Variants in PCTP observed in about 807,000 individuals in gnomAD.
PCTP encodes the protein START domain-containing protein 2.
A neutral mutation model predicts 31.0 loss-of-function variants in PCTP; 27 were observed. That is an observed-to-expected ratio of 0.87 (90% CI 0.64 to 1.20). The LOEUF (loss-of-function observed/expected upper bound fraction) is 1.20, where lower values mean the gene tolerates loss of function less well. Ranked by LOEUF, PCTP falls within the 50% of genes most tolerant of loss-of-function variation. PCTP has a pLI of 0.00. For missense variants in PCTP, 287 were observed against 268.2 expected, an observed-to-expected ratio of 1.07 and a Z score of -0.49; for synonymous variants, 108 against 101.2, an observed-to-expected ratio of 1.07 and a Z score of -0.40.
downstream of PCTP, among the ~76,000 whole-genome samples, chr17:55,779,039 G>A (rs1911465898): frequency 6.6e-6 from 1 of 152,092 alleles, no homozygotes; most frequent in African/African-American, 2.4e-5. Context: ...AGCTGGACTT[G>A]CAAGAGATGA....
At chr17:55,781,616 C>A (rs1246401923), downstream of PCTP, among the ~76,000 whole-genome samples, 1 of 151,720 alleles carries the variant, frequency 6.6e-6, no homozygotes, top group Non-Finnish European at 1.5e-5. Context: ...AACAAATAAA[C>A]AAAATAAACT....
intron 3 of PCTP, among the ~76,000 whole-genome samples, chr17:55,809,615 C>T (rs1275916589): frequency 7.2e-5 from 11 of 151,928 alleles, no homozygotes; most frequent in South Asian, 2.1e-4. Context: ...CTCCGCTTCC[C>T]GGGTTCAAGC....
rs550804621 is a variant in PCTP at position 55,818,385 on chromosome 17, A to G, written c.318-4376A>G. 4.6e-5 allele frequency among the ~76,000 whole-genome samples: 7 copies of G among 152,296 alleles called. No homozygotes were observed. In the South Asian group the frequency reaches 1.4e-3, roughly 32 times the overall value. ...CTGGTGCCCTGAGTTCTATCTCAGC[A>G]TTTGTCACTGTGTGAGTATCACTCT... On this transcript the variant is annotated intron_variant, in intron 3 of 3. Coordinates refer to the PCTP transcript ENST00000572536.
intron 3 of PCTP, among the ~76,000 whole-genome samples, chr17:55,772,432 C>CA (rs1911060843): frequency 6.6e-6 from 1 of 151,842 alleles, no homozygotes; most frequent in South Asian, 2.1e-4. Flanking sequence ...ATTAAAAATA[C>CA]AAAAAAATTT....
chr17:55,772,251 A>G (rs189830765), intron 3 of PCTP, among the ~76,000 whole-genome samples: 4 of 151,998 alleles, frequency 2.6e-5, no homozygotes, highest in Admixed American at 2.6e-4. Flanking sequence ...GGAGCAATAG[A>G]CTGTCCAATG....
intron 3 of PCTP, among the ~76,000 whole-genome samples, chr17:55,794,629 A>C (rs1383795920): frequency 6.6e-6 from 1 of 152,068 alleles, no homozygotes; most frequent in African/African-American, 2.4e-5. Context: ...ACAGAATGTG[A>C]AAAACTTGAA....
At chr17:55,778,402 A>C (rs1157687211), downstream of PCTP, among the ~76,000 whole-genome samples, 1 of 152,118 alleles carries the variant, frequency 6.6e-6, no homozygotes, top group Non-Finnish European at 1.5e-5. Context: ...GACAACCAGC[A>C]TTTGTGGATA....
chr17:55,776,518 C>T lies in PCTP; in HGVS notation c.*418C>T. On this transcript the variant is annotated 3_prime_UTR_variant, in exon 6 of 6. Coordinates refer to ENST00000268896, the MANE Select transcript of PCTP (RefSeq NM_021213.4). ...ATTTAAGAATGACTATTTGGGCGGG[C>T]TGGCTCTTTTGCAGCTTGTGATTTC... 1.6e-6 allele frequency: 2 copies of T among 1,232,136 alleles called. No homozygotes were observed. Among genetic ancestry groups the T allele is most frequent in the Non-Finnish European group, 2.0e-6 (2 of 988,300 alleles). The allele number at this position is 1,232,136 out of a possible 1,614,324, so 76.3% of individuals were successfully genotyped here. A position where few individuals can be genotyped will look rare whatever the true frequency, so the allele number is the denominator to read the frequency against.
chr17:55,833,008 A>G (rs919272782), intron 5 of PCTP, among the ~76,000 whole-genome samples: 1 of 152,196 alleles, frequency 6.6e-6, no homozygotes, highest in Non-Finnish European at 1.5e-5. Context: ...CCCTGGGAAC[A>G]CTGCAAAGTA....
chr17:55,796,291 A>T (rs530687801), intron 3 of PCTP, among the ~76,000 whole-genome samples: 1 of 152,166 alleles, frequency 6.6e-6, no homozygotes, highest in Admixed American at 6.6e-5. Flanking sequence ...AAATTTTTAA[A>T]CATGGACATT....
At chr17:55,761,622 TC>T (rs570372517) in intron 1 of PCTP, among the ~76,000 whole-genome samples, 174 of 148,234 alleles carry the variant, frequency 1.2e-3, no homozygotes, top group African/African-American at 4.2e-3. Context: ...GAATAATATT[TC>T]TATATATATT....
chr17:55,850,161 C>G, the PCTP span, among the ~76,000 whole-genome samples: 3 of 152,010 alleles, frequency 2.0e-5, no homozygotes, highest in Admixed American at 6.6e-5. Flanking sequence ...AGCAAATGTA[C>G]CTAGGTCCTA....
downstream of PCTP, among the ~76,000 whole-genome samples, chr17:55,843,689 T>G (rs982905955): frequency 6.6e-6 from 1 of 152,166 alleles, no homozygotes; most frequent in Non-Finnish European, 1.5e-5. Flanking sequence ...CAGCTTGAAA[T>G]GTTAACAGTT....
intron 3 of PCTP, among the ~76,000 whole-genome samples, chr17:55,798,688 A>T (rs1182256727): frequency 6.6e-6 from 1 of 151,988 alleles, no homozygotes. Context: ...ATGCAAACTG[A>T]GGGAATTTAT....
downstream of PCTP, among the ~76,000 whole-genome samples, chr17:55,846,092 C>T (rs1906144810): frequency 6.6e-6 from 1 of 152,094 alleles, no homozygotes; most frequent in African/African-American, 2.4e-5. Flanking sequence ...GCATCTCTGA[C>T]ATTCCAGAGT....
chr17:55,819,186 A>G (rs1913033044), intron 3 of PCTP, among the ~76,000 whole-genome samples: 1 of 152,254 alleles, frequency 6.6e-6, no homozygotes, highest in African/African-American at 2.4e-5. Context: ...TTATGAACAA[A>G]CCACAGCTAA....
chr17:55,792,554 C>A (rs8073833), intron 3 of PCTP, among the ~76,000 whole-genome samples: 1 of 151,930 alleles, frequency 6.6e-6, no homozygotes, highest in African/African-American at 2.4e-5. Flanking sequence ...AACTTTTTAA[C>A]CTTTCTATCC....
intron 1 of PCTP, among the ~76,000 whole-genome samples, chr17:55,753,226 T>G (rs2144899141): frequency 6.6e-6 from 1 of 152,342 alleles, no homozygotes; most frequent in Non-Finnish European, 1.5e-5. Flanking sequence ...CACTTAGAAT[T>G]GCAGTGACCT....
At chr17:55,802,913 C>G (rs1185724203) in intron 3 of PCTP, among the ~76,000 whole-genome samples, 1 of 151,712 alleles carries the variant, frequency 6.6e-6, no homozygotes, top group Admixed American at 6.6e-5. Flanking sequence ...AATAGGAAGT[C>G]AAATTGTCTC....
Sources: allele counts gnomAD v4.1 joint callset (sites outside exome capture counted in the v4.1 genomes callset), GRCh38; gene constraint gnomAD v4.1.1; transcripts MANE v1.5; gene names NCBI Gene and HGNC (gene_info 2026-07-23, HGNC 2026-07-21).